The following FLRT1 variants were observed in gnomAD, a reference collection of about 807,000 sequenced individuals.
FLRT1 encodes the protein leucine-rich repeat transmembrane protein FLRT1.
FLRT1 carries 14 observed loss-of-function variants against 30.9 expected under a neutral mutation model. The ratio of observed to expected loss-of-function variants is 0.45; its 90% CI spans 0.30 to 0.71. The LOEUF is 0.71. FLRT1 is among the 30% of genes least tolerant of loss of function. FLRT1 has a pLI of 0.08. For missense variants in FLRT1, 737 were observed against 949.2 expected, an observed-to-expected ratio of 0.78 and a Z score of 2.94; for synonymous variants, 368 against 430.4, an observed-to-expected ratio of 0.85 and a Z score of 1.80.
At chr11:64,078,349 T>C (rs906982038) in intron 1 of FLRT1, among the ~76,000 whole-genome samples, 3 of 152,238 alleles carry the variant, frequency 2.0e-5, no homozygotes, top group African/African-American at 7.2e-5. Flanking sequence ...TCCCAGTCCC[T>C]GGCCCGTCTG....
intron 1 of FLRT1, among the ~76,000 whole-genome samples, chr11:64,042,941 C>G (rs1469028192): frequency 1.3e-5 from 2 of 152,220 alleles, no homozygotes. Context: ...GAGACTGAGG[C>G]ACAGAGTGGA....
rs202172057 is a variant in FLRT1, at chr11:64,113,871, CATGG to C, written c.-49-2310_-49-2307del. ...GGACAGCTGGATGTATGGATTGATA[CATGG>C]ATGGATGGATGGATGGATGGATGGA... On this transcript the variant is annotated intron_variant, in intron 2 of 2. Transcript: ENST00000682287. Among the ~76,000 whole-genome samples, 742 of 77,884 alleles carry C rather than the reference CATGG, an allele frequency of 9.5e-3. 9 individuals are homozygous for C. Among genetic ancestry groups the C allele is most frequent in the African/African-American group, 0.027 (636 of 23,394 alleles). The allele number at this position is 77,884 out of a possible 152,430, so 51.1% of individuals were successfully genotyped here. A position where few individuals can be genotyped will look rare whatever the true frequency, so the allele number is the denominator to read the frequency against.
At position 64,068,401 on chromosome 11, in the gene FLRT1, G is replaced by A. The variant is rs368942192; in HGVS notation, c.-1038+32242G>A. On this transcript the variant is annotated intron_variant, in intron 1 of 2. Coordinates refer to ENST00000682287, the MANE Select transcript of FLRT1 (RefSeq NM_013280.5). The stretch of plus-strand genomic sequence containing the variant: ...CGCATGCCCTAGTAGCTGTAAAATG[G>A]AGGTATCTACTGCATTGACCTCACC... 3.2e-4 allele frequency among the ~76,000 whole-genome samples: 48 copies of A among 152,332 alleles called. No homozygotes were observed. The South Asian group carries it at 1.0e-2, about 32-fold the overall frequency.
chr11:64,065,787 CT>C (rs1439335248), intron 1 of FLRT1, among the ~76,000 whole-genome samples: 2 of 115,790 alleles, frequency 1.7e-5, no homozygotes, highest in African/African-American at 9.5e-5. Flanking sequence ...ACGACTCCGC[CT>C]CAAAAAAAAA....
chr11:64,047,834 T>G (rs1673144899), intron 1 of FLRT1, among the ~76,000 whole-genome samples: 1 of 149,040 alleles, frequency 6.7e-6, no homozygotes, highest in South Asian at 2.1e-4. Flanking sequence ...GAGGTAGAGG[T>G]TGCAGTGAGC....
intron 1 of FLRT1, among the ~76,000 whole-genome samples, chr11:64,069,494 C>T (rs1944066171): frequency 6.6e-6 from 1 of 152,194 alleles, no homozygotes. Flanking sequence ...GCCTCTGGCT[C>T]TGGGGTAGGG....
At chr11:64,095,318 G>T (rs1944557485) in intron 1 of FLRT1, among the ~76,000 whole-genome samples, 1 of 152,170 alleles carries the variant, frequency 6.6e-6, no homozygotes, top group South Asian at 2.1e-4. Context: ...ACAAGAAAAG[G>T]AAGCTAATAG....
intron 2 of FLRT1, among the ~76,000 whole-genome samples, chr11:64,105,691 G>A (rs906916628): frequency 6.6e-6 from 1 of 152,206 alleles, no homozygotes; most frequent in Non-Finnish European, 1.5e-5. Context: ...TGGTGGAGAA[G>A]AGCGGCTCCC....
intron 1 of FLRT1, among the ~76,000 whole-genome samples, chr11:64,043,701 T>C (rs186825613): frequency 8.5e-5 from 13 of 152,292 alleles, no homozygotes; most frequent in African/African-American, 2.6e-4. Flanking sequence ...CTAAGGACTC[T>C]ACCTTGCAGA....
At chr11:64,092,389 G>T (rs577409475) in intron 1 of FLRT1, among the ~76,000 whole-genome samples, 2 of 152,338 alleles carry the variant, frequency 1.3e-5, no homozygotes, top group East Asian at 3.9e-4. Context: ...CAGGGGTCCT[G>T]GGGTGGGGGC....
intron 1 of FLRT1, among the ~76,000 whole-genome samples, chr11:64,097,115 T>C (rs1028629022): frequency 6.6e-6 from 1 of 152,240 alleles, no homozygotes; most frequent in Non-Finnish European, 1.5e-5. Context: ...TAGGTCCCTG[T>C]TGCTCAGCTG....
chr11:64,095,977 C>A (rs576196856), intron 1 of FLRT1, among the ~76,000 whole-genome samples: 2 of 34,324 alleles, frequency 5.8e-5, no homozygotes, highest in African/African-American at 1.1e-4. Flanking sequence ...GTGGTCCCCC[C>A]ACCCCCCAGG....
chr11:64,079,113 G>A (rs931260945), intron 1 of FLRT1, among the ~76,000 whole-genome samples: 1 of 152,134 alleles, frequency 6.6e-6, no homozygotes, highest in East Asian at 1.9e-4. Flanking sequence ...TGGTGCAGTG[G>A]GGGGCGGTGG....
intron 1 of FLRT1, among the ~76,000 whole-genome samples, chr11:64,089,295 G>C (rs944010880): frequency 6.6e-6 from 1 of 152,160 alleles, no homozygotes; most frequent in Non-Finnish European, 1.5e-5. Flanking sequence ...CTGTGAGACC[G>C]GGGTAGGGCA....
chr11:64,056,454 G>A (rs1229508828), intron 1 of FLRT1, among the ~76,000 whole-genome samples: 1 of 152,224 alleles, frequency 6.6e-6, no homozygotes, highest in Non-Finnish European at 1.5e-5. Context: ...GGGAGGAAGG[G>A]GGAGCAGCTG....
chr11:64,071,536 A>C (rs1231040552), intron 1 of FLRT1, among the ~76,000 whole-genome samples: 1 of 151,996 alleles, frequency 6.6e-6, no homozygotes, highest in Non-Finnish European at 1.5e-5. Flanking sequence ...ATCCCAGACC[A>C]GGGGCCCACT....
chr11:64,060,959 C>T (rs1439724257), intron 1 of FLRT1, among the ~76,000 whole-genome samples: 3 of 151,834 alleles, frequency 2.0e-5, no homozygotes, highest in African/African-American at 2.4e-5. Context: ...GGCGGCGGGG[C>T]TCCCGGGCCG....
At chr11:64,061,247 C>G (rs1943897435) in intron 1 of FLRT1, among the ~76,000 whole-genome samples, 1 of 152,250 alleles carries the variant, frequency 6.6e-6, no homozygotes. Flanking sequence ...CTGGCGATCA[C>G]GCGGTGTAAT....
rs202201413 is a variant in FLRT1 at position 64,117,137 on chromosome 11, G to A, written c.870G>A (p.Leu290=). ...TCAGCCACATCCCCTACAACACGCT[G>A]GCCAAGATGCGTGAGCTGGAGCGGC... The part of the protein sequence containing the change: ...NAISHIPYNT[L]AKMRELERLD... The change falls in exon 3 of 3, where the codon CTG becomes CTA. Residue 290 remains leucine, a synonymous_variant. Transcript: ENST00000682287. 3.7e-5 allele frequency: 60 copies of A among 1,613,284 alleles called. No homozygotes were observed. The East Asian group carries it at 1.2e-3, about 33-fold the overall frequency.
Sources: gnomAD v4.1 joint callset for allele counts (sites outside exome capture counted in the v4.1 genomes callset) on GRCh38, gnomAD v4.1.1 for gene constraint, MANE v1.5 for transcripts, NCBI Gene and HGNC (gene_info 2026-07-23, HGNC 2026-07-21) for gene names.